Variants in FAM50B observed in about 807,000 individuals in gnomAD.
FAM50B encodes family with sequence similarity 50 member B, also known as protein FAM50B.
A neutral mutation model predicts 25.4 loss-of-function variants in FAM50B; 9 were observed. The ratio of observed to expected loss-of-function variants is 0.35; its 90% confidence interval spans 0.21 to 0.62. The LOEUF is 0.62. FAM50B is among the 20% of genes least tolerant of loss of function. FAM50B has a pLI of 0.73. For missense variants in FAM50B, 372 were observed against 477.9 expected, an observed-to-expected ratio of 0.78 and a Z score of 2.07; for synonymous variants, 212 against 204.3, an observed-to-expected ratio of 1.04 and a Z score of -0.32.
rs1273212656 is a variant in FAM50B, at chr6:3,850,458, C to A, written c.647C>A (p.Ala216Glu). 1.9e-6 allele frequency: 3 copies of A among 1,613,438 alleles called. No homozygotes were observed. Among genetic ancestry groups the A allele is most frequent in the Non-Finnish European group, 2.5e-6 (3 of 1,180,004 alleles). The stretch of plus-strand genomic sequence containing the variant: ...ACGGTGCAGCAGTTCCTGAAGAAGG[C>A]GCTGCAGGGGCTGCGCAAGGACTTC... ...GNTVQQFLKK[A>E]LQGLRKDFLE... The change falls in exon 2 of 2, where the codon GCG (alanine) becomes GAG (glutamate). Residue 216 changes from alanine (A) to glutamate (E), a missense_variant. By Grantham distance (107) the Ala-to-Glu change is moderately radical (BLOSUM62 -1). This residue lies in a region of FAM50B where 224 missense variants were observed against 232.2 expected (regional missense o/e 0.96). Coordinates refer to ENST00000648326, the MANE Select transcript of FAM50B (RefSeq NM_012135.3).
At chr6:3,844,259 G>A in the FAM50B span, among the ~76,000 whole-genome samples, 1 of 152,044 alleles carries the variant, frequency 6.6e-6, no homozygotes, top group Admixed American at 6.5e-5. Flanking sequence ...TTCTAAATTA[G>A]TTTGTGTATT....
At chr6:3,839,279 C>T in the FAM50B span, among the ~76,000 whole-genome samples, 29,411 of 151,806 alleles carry the variant, frequency 0.19, 2,942 homozygotes, top group South Asian at 0.27. Context: ...AACCAACTTT[C>T]TCAGAAGCTA....
upstream of FAM50B, among the ~76,000 whole-genome samples, chr6:3,849,161 T>A (rs557278466): frequency 1.2e-3 from 185 of 152,310 alleles, no homozygotes; most frequent in Middle Eastern, 3.4e-3. Flanking sequence ...CAGCCACGGC[T>A]GGGCAGGGCC....
the FAM50B span, among the ~76,000 whole-genome samples, chr6:3,841,913 T>C: frequency 6.6e-6 from 1 of 152,220 alleles, no homozygotes; most frequent in Non-Finnish European, 1.5e-5. Context: ...CTGGCCTCTG[T>C]GACACTGGTG....
rs751038763 is a variant in FAM50B, at chr6:3,850,814, G to A, written c.*25G>A. 10 of 1,606,132 alleles carry A rather than the reference G, an allele frequency of 6.2e-6. No homozygotes were observed. Among genetic ancestry groups the A allele is most frequent in the Admixed American group, 3.4e-5 (2 of 59,148 alleles). On this transcript the variant is annotated 3_prime_UTR_variant, in exon 2 of 2. Coordinates refer to ENST00000648326, the MANE Select transcript of FAM50B (RefSeq NM_012135.3). ...ACACCCGCCTGCCAGAGCGGAAACC[G>A]GGGGTGGGGGGAGACACTCATTTCT...
In FAM50B at chr6:3,849,858, A is replaced by T; in HGVS notation, c.47A>T (p.His16Leu). 1 of 1,613,280 alleles carries T rather than the reference A, an allele frequency of 6.2e-7. No homozygotes were observed. Among genetic ancestry groups the T allele is most frequent in the Non-Finnish European group, 8.5e-7 (1 of 1,179,860 alleles). The change falls in exon 2 of 2, where the codon CAC becomes CTC. Residue 16 changes from histidine to leucine, a missense_variant. By Grantham distance (99) the His-to-Leu change is moderately conservative. Transcript: ENST00000648326. Reference protein sequence around the residue: ...GTMREAGRAMHLLKKRERQRE... With the variant: ...GTMREAGRAMLLLKKRERQRE... ...ATGCGCGAGGCAGGCCGTGCCATGC[A>T]CCTCCTCAAGAAGCGCGAAAGGCAG...
chr6:3,843,162 T>C, the FAM50B span, among the ~76,000 whole-genome samples: 1 of 152,194 alleles, frequency 6.6e-6, no homozygotes, highest in South Asian at 2.1e-4. Flanking sequence ...ATCTATCATA[T>C]GAAAAATTAA....
chr6:3,847,266 C>T (rs1410277799), upstream of FAM50B, among the ~76,000 whole-genome samples: 6 of 152,228 alleles, frequency 3.9e-5, no homozygotes, highest in Admixed American at 6.5e-5. Context: ...GCATCTTCTT[C>T]CAATAGAAGG....
chr6:3,839,854 C>A, the FAM50B span, among the ~76,000 whole-genome samples: 1 of 152,098 alleles, frequency 6.6e-6, no homozygotes, highest in South Asian at 2.1e-4. Context: ...GGCAACACAA[C>A]AAAACATAGG....
At chr6:3,838,551 A>T in the FAM50B span, among the ~76,000 whole-genome samples, 4,545 of 152,144 alleles carry the variant, frequency 0.03, 147 homozygotes, top group South Asian at 0.17. Flanking sequence ...TGTATTAAAA[A>T]TACAAAAATG....
At chr6:3,848,811 T>C (rs1177339442), upstream of FAM50B, among the ~76,000 whole-genome samples, 1 of 152,190 alleles carries the variant, frequency 6.6e-6, no homozygotes, top group Non-Finnish European at 1.5e-5. Context: ...AACTGCTGTA[T>C]AGAAGAGGTC....
chr6:3,837,228 A>C, the FAM50B span, among the ~76,000 whole-genome samples: 1 of 152,360 alleles, frequency 6.6e-6, no homozygotes, highest in Admixed American at 6.5e-5. Flanking sequence ...GCAACCGATA[A>C]ATTGAAGTTC....
chr6:3,850,207 C>A lies in FAM50B; in HGVS notation c.396C>A (p.Asp132Glu). 3.1e-6 allele frequency: 5 copies of A among 1,613,384 alleles called. No homozygotes were observed. Among genetic ancestry groups the A allele is most frequent in the Non-Finnish European group, 4.2e-6 (5 of 1,179,872 alleles). ...TAGACGACCTCGATGACCAGGCCGA[C>A]GCGGCCGAGGCCAGGCGCGCCGGAA... is the stretch of plus-strand genomic sequence containing the variant. ...FALDDLDDQA[D>E]AAEARRAGNL... is the part of the protein sequence containing the mutation. Residue 132 changes from aspartate to glutamate, a missense_variant, in exon 2 of 2, where the codon GAC becomes GAA. This residue lies in a region of FAM50B where 224 missense variants were observed against 232.2 expected (regional missense o/e 0.96). Coordinates refer to ENST00000648326, the MANE Select transcript of FAM50B (RefSeq NM_012135.3).
the FAM50B span, among the ~76,000 whole-genome samples, chr6:3,839,118 TATA>T: frequency 6.6e-6 from 1 of 151,504 alleles, no homozygotes; most frequent in Non-Finnish European, 1.5e-5. Flanking sequence ...CTACAAGCTG[TATA>T]ATAAGCATGG....
the FAM50B span, among the ~76,000 whole-genome samples, chr6:3,839,450 G>A: frequency 7.8e-4 from 119 of 152,220 alleles, no homozygotes; most frequent in African/African-American, 2.6e-3. Flanking sequence ...AAACTACAGC[G>A]GTGTGGAAAG....
At position 3,850,179 on chromosome 6, in the gene FAM50B, C is replaced by T; in HGVS notation, c.368C>T (p.Ala123Val). 1.2e-6 allele frequency: 2 copies of T among 1,613,426 alleles called. No homozygotes were observed. The highest frequency in any genetic ancestry group is 1.7e-6 in the Non-Finnish European group (2 of 1,179,876). The change falls in exon 2 of 2, where the codon GCA (alanine) becomes GTA (valine). Residue 123 changes from alanine (A) to valine (V), a missense_variant. This residue lies in a region of FAM50B where 224 missense variants were observed against 232.2 expected (regional missense o/e 0.96). Coordinates refer to ENST00000648326, the MANE Select transcript of FAM50B (RefSeq NM_012135.3). ...RKRKISCLSF[A>V]LDDLDDQADA... The stretch of plus-strand genomic sequence containing the variant: ...CGTAAGATCTCCTGCCTGTCCTTTG[C>T]ACTAGACGACCTCGATGACCAGGCC...
the FAM50B span, among the ~76,000 whole-genome samples, chr6:3,838,389 T>C: frequency 2.3e-4 from 35 of 152,184 alleles, no homozygotes; most frequent in Non-Finnish European, 3.2e-4. Context: ...GGTGTTTCCA[T>C]ACAATCGGGC....
the FAM50B span, among the ~76,000 whole-genome samples, chr6:3,839,026 T>C: frequency 1.3e-5 from 2 of 151,906 alleles, no homozygotes; most frequent in African/African-American, 2.4e-5. Flanking sequence ...AATATAGGTA[T>C]GCATCAGAGT....
the FAM50B span, among the ~76,000 whole-genome samples, chr6:3,839,981 TTGTTG>T: frequency 8.5e-5 from 10 of 117,946 alleles, no homozygotes; most frequent in Non-Finnish European, 1.5e-4. Flanking sequence ...GTTGTTGTTG[TTGTTG>T]TTGTTTGTTT....
Sources: gnomAD v4.1 joint callset for allele counts (sites outside exome capture counted in the v4.1 genomes callset) on GRCh38, gnomAD v4.1.1 for gene constraint, gnomAD v4.1.1 regional missense constraint, MANE v1.5 for transcripts, NCBI Gene and HGNC (gene_info 2026-07-23, HGNC 2026-07-21) for gene names.